Variants in ARHGAP31 observed in about 807,000 individuals in gnomAD.
ARHGAP31 encodes the protein Rho GTPase activating protein 31, also known as rho GTPase-activating protein 31.
ARHGAP31 carries 34 observed loss-of-function variants against 113.9 expected under a neutral mutation model. The observed-to-expected ratio is 0.30, with a 90% CI of 0.23 to 0.40. The LOEUF is 0.40. Among genes scored for constraint, ARHGAP31 ranks in the 10% least tolerant of loss-of-function variants. The probability of loss-of-function intolerance (pLI) is 1.00; values close to 1 mark genes in which losing one functional copy is unlikely to be tolerated. For missense variants in ARHGAP31, 1,548 were observed against 1,767.1 expected, an observed-to-expected ratio of 0.88 and a Z score of 2.22; for synonymous variants, 650 against 684.8, an observed-to-expected ratio of 0.95 and a Z score of 0.79.
intron 1 of ARHGAP31, among the ~76,000 whole-genome samples, chr3:119,332,391 G>A (rs927447305): frequency 1.3e-5 from 2 of 151,830 alleles, no homozygotes; most frequent in Non-Finnish European, 2.9e-5. Flanking sequence ...GTAGAGATGA[G>A]GTTTCATCAT....
At chr3:119,306,879 A>T (rs2079635526) in intron 1 of ARHGAP31, among the ~76,000 whole-genome samples, 1 of 152,212 alleles carries the variant, frequency 6.6e-6, no homozygotes, top group Non-Finnish European at 1.5e-5. Context: ...TTATACTTTT[A>T]TATTGCCCAA....
chr3:119,396,848 G>A (rs1419096219), intron 8 of ARHGAP31, among the ~76,000 whole-genome samples: 1 of 152,166 alleles, frequency 6.6e-6, no homozygotes, highest in Non-Finnish European at 1.5e-5. Context: ...GGAAAAAATG[G>A]AGAACTGAAT....
intron 1 of ARHGAP31, among the ~76,000 whole-genome samples, chr3:119,320,948 C>T (rs528385403): frequency 1.1e-4 from 17 of 152,118 alleles, no homozygotes; most frequent in African/African-American, 3.6e-4. Flanking sequence ...TTTTGAAAAA[C>T]GGGAGTCTCC....
At chr3:119,324,617 T>C (rs2079825484) in intron 1 of ARHGAP31, among the ~76,000 whole-genome samples, 1 of 152,168 alleles carries the variant, frequency 6.6e-6, no homozygotes, top group South Asian at 2.1e-4. Context: ...GATTTGTAGC[T>C]ATTAAAAGAA....
intron 1 of ARHGAP31, among the ~76,000 whole-genome samples, chr3:119,352,978 G>C (rs986377982): frequency 4.6e-4 from 70 of 152,182 alleles, no homozygotes; most frequent in Non-Finnish European, 7.8e-4. Context: ...CCAAAAGAAA[G>C]TGTATGACAT....
At chr3:119,331,006 T>C (rs1183333004) in intron 1 of ARHGAP31, among the ~76,000 whole-genome samples, 4 of 152,188 alleles carry the variant, frequency 2.6e-5, no homozygotes, top group African/African-American at 9.7e-5. Context: ...CTGCACATTC[T>C]TCAGGAGGTG....
chr3:119,327,361 T>C (rs1183088198), intron 1 of ARHGAP31, among the ~76,000 whole-genome samples: 1 of 151,484 alleles, frequency 6.6e-6, no homozygotes, highest in Non-Finnish European at 1.5e-5. Context: ...CTGGCCGACA[T>C]GGTGAAACCC....
intron 1 of ARHGAP31, chr3:119,330,048 G>C (rs1019833541): frequency 1.0e-6 from 1 of 959,488 alleles, no homozygotes; most frequent in South Asian, 4.8e-5. Context: ...CAACTAGTGT[G>C]GTAGATATTT....
In ARHGAP31 at chr3:119,416,584, C is replaced by T; in HGVS notation, c.*320C>T. ...CAGATTGCTCCCCTATTGCTATTAT[C>T]TATTACTCTTGAGAGCTGGCTGTCC... On this transcript the variant is annotated 3_prime_UTR_variant, in exon 12 of 12. Transcript: ENST00000264245. The T allele has an allele frequency of 2.6e-6, 1 of 389,028 alleles. No individual in the cohort carries two copies. Among genetic ancestry groups the T allele is most frequent in the Non-Finnish European group, 4.9e-6 (1 of 205,684 alleles). 24.1% of individuals were successfully genotyped at this position (389,028 alleles called of 1,614,324 possible).
intron 1 of ARHGAP31, among the ~76,000 whole-genome samples, chr3:119,356,826 T>C (rs1559978085): frequency 6.6e-6 from 1 of 152,200 alleles, no homozygotes; most frequent in Admixed American, 6.5e-5. Context: ...GACAATCTTG[T>C]GCAATTATGA....
chr3:119,335,169 C>T (rs1378790253), intron 1 of ARHGAP31, among the ~76,000 whole-genome samples: 1 of 152,124 alleles, frequency 6.6e-6, no homozygotes, highest in Non-Finnish European at 1.5e-5. Flanking sequence ...TGGCCTACTC[C>T]TCTATGTAAT....
chr3:119,387,450 T>C (rs1033249659), intron 6 of ARHGAP31, among the ~76,000 whole-genome samples: 1 of 152,232 alleles, frequency 6.6e-6, no homozygotes, highest in African/African-American at 2.4e-5. Flanking sequence ...AAGATCTATA[T>C]CTGGTATAAC....
At chr3:119,336,875 T>A (rs151118297) in intron 1 of ARHGAP31, among the ~76,000 whole-genome samples, 1 of 152,344 alleles carries the variant, frequency 6.6e-6, no homozygotes, top group East Asian at 1.9e-4. Context: ...TCTTTACAGA[T>A]TTGTCTATGC....
chr3:119,414,340 C>T lies in ARHGAP31; in HGVS notation c.2411C>T (p.Pro804Leu), dbSNP rs760373610. The change falls in exon 12 of 12, where the codon CCG (proline) becomes CTG (leucine). Residue 804 changes from proline to leucine, a missense_variant. Pro to Leu is a moderately conservative substitution (Grantham distance 98, BLOSUM62 -3). Coordinates refer to ENST00000264245, the MANE Select transcript of ARHGAP31 (RefSeq NM_020754.4). ...CCAGTCCTGCTTTCAAAGGGCGGCC[C>T]GGAAAGAGAAGACTCATCCAGGAAA... The part of the protein sequence containing the change: ...STPVLLSKGG[P>L]EREDSSRKLR... 12 of 1,614,156 alleles carry T rather than the reference C, an allele frequency of 7.4e-6. No individual in the cohort carries two copies. The highest frequency in any genetic ancestry group is 2.2e-5 in the East Asian group (1 of 44,876).
intron 7 of ARHGAP31, among the ~76,000 whole-genome samples, chr3:119,391,605 C>CT (rs2080505488): frequency 7.6e-6 from 1 of 131,018 alleles, no homozygotes; most frequent in African/African-American, 3.1e-5. Flanking sequence ...CCCTCCCCCC[C>CT]GCCGTCACTC....
chr3:119,355,925 G>A (rs977112223), intron 1 of ARHGAP31, among the ~76,000 whole-genome samples: 1 of 152,090 alleles, frequency 6.6e-6, no homozygotes, highest in African/African-American at 2.4e-5. Flanking sequence ...TTGCTATTGT[G>A]AATAGAGAGT....
At chr3:119,312,062 G>A (rs890697132) in intron 1 of ARHGAP31, among the ~76,000 whole-genome samples, 2 of 152,242 alleles carry the variant, frequency 1.3e-5, no homozygotes, top group Non-Finnish European at 2.9e-5. Flanking sequence ...CTACTTGAGT[G>A]ACCATTTTAA....
At chr3:119,345,151 A>AT (rs977572472) in intron 1 of ARHGAP31, among the ~76,000 whole-genome samples, 7 of 151,572 alleles carry the variant, frequency 4.6e-5, no homozygotes, top group East Asian at 3.9e-4. Flanking sequence ...TGCCCGGCTA[A>AT]TTTTTTTGTA....
At chr3:119,332,770 C>T (rs2079906751) in intron 1 of ARHGAP31, among the ~76,000 whole-genome samples, 1 of 152,036 alleles carries the variant, frequency 6.6e-6, no homozygotes, top group Admixed American at 6.6e-5. Context: ...CCCTGCTGCT[C>T]ACTCATGTTG....
Sources: gnomAD v4.1 joint callset for allele counts (sites outside exome capture counted in the v4.1 genomes callset) on GRCh38, gnomAD v4.1.1 for gene constraint, MANE v1.5 for transcripts, NCBI Gene and HGNC (gene_info 2026-07-23, HGNC 2026-07-21) for gene names.